Variants in RAD9A observed in about 807,000 individuals in gnomAD.
The protein encoded by RAD9A is RAD9 checkpoint clamp component A.
A neutral mutation model predicts 41.2 loss-of-function variants in RAD9A; 25 were observed. The observed-to-expected ratio is 0.61, with a 90% confidence interval of 0.44 to 0.85. RAD9A has a LOEUF of 0.85. Ranked by LOEUF, RAD9A falls within the 40% of genes least tolerant of loss-of-function variation. The pLI is 0.00. For missense variants in RAD9A, 514 were observed against 518.3 expected, an observed-to-expected ratio of 0.99 and a Z score of 0.08; for synonymous variants, 252 against 210.6, an observed-to-expected ratio of 1.20 and a Z score of -1.70.
chr11:67,393,279 CAAAA>C (rs34533285), intron 3 of RAD9A: 848 of 1,006,732 alleles, frequency 8.4e-4, no homozygotes, highest in South Asian at 2.8e-3. Flanking sequence ...GACTCCATCT[CAAAA>C]AAAAAAAAAA....
intron 6 of RAD9A, 32 bp from the exon 7 acceptor site, chr11:67,395,880 G>A (rs759204438): frequency 5.2e-5 from 84 of 1,612,882 alleles, no homozygotes; most frequent in Non-Finnish European, 7.0e-5. Flanking sequence ...GAGAGGGGCG[G>A]GGCCCAGGTT....
chr11:67,397,209 C>T lies in RAD9A; in HGVS notation c.903C>T (p.Asp301=), dbSNP rs543261832. The T allele has an allele frequency of 2.9e-5, 46 of 1,613,806 alleles. No individual in the cohort carries two copies. The highest frequency in any genetic ancestry group is 3.3e-4 in the Middle Eastern group (2 of 6,062). ...STPHPDDFAN[D]DIDSYMIAME... is the part of the protein sequence containing the mutation. The stretch of plus-strand genomic sequence containing the variant: ...CCCACCCGGACGACTTTGCCAATGA[C>T]GACATTGACTCTTACATGATCGCCA... The change falls in exon 10 of 11, where the codon GAC becomes GAT. Residue 301 remains aspartate (D), a synonymous_variant. Transcript: ENST00000307980.
chr11:67,396,079 C>G, intron 7 of RAD9A, 32 bp from the exon 8 acceptor site: 2 of 1,613,306 alleles, frequency 1.2e-6, no homozygotes, highest in Non-Finnish European at 1.7e-6. Flanking sequence ...CAGCCCAGCC[C>G]GGGGCCTCAC....
At chr11:67,394,947 CGTTTT>C (rs914644776) in intron 5 of RAD9A, among the ~76,000 whole-genome samples, 6 of 151,858 alleles carry the variant, frequency 4.0e-5, no homozygotes, top group African/African-American at 1.5e-4. Flanking sequence ...TTGTTTCTCT[CGTTTT>C]GTTTTGAGAT....
At position 67,397,630 on chromosome 11, in the gene RAD9A, C is replaced by G. The variant is rs17886162; in HGVS notation, c.*71C>G. Reference sequence around the variant, plus strand: ...GCCCCAGCCAGTGGCAGAACTGGGTCTCTCAGCCCTGGGGATCAGAAAGGT... The same window carrying G: ...GCCCCAGCCAGTGGCAGAACTGGGTGTCTCAGCCCTGGGGATCAGAAAGGT... On this transcript the variant is annotated 3_prime_UTR_variant, in exon 11 of 11. Coordinates refer to ENST00000307980, the MANE Select transcript of RAD9A (RefSeq NM_004584.3). 996 of 1,355,500 alleles carry G rather than the reference C, an allele frequency of 7.3e-4. 5 individuals are homozygous for G. The African/African-American group carries it at 0.013, about 18-fold the overall frequency. 84.0% of individuals were successfully genotyped at this position (1,355,500 alleles called of 1,614,324 possible). A position where few individuals can be genotyped will look rare whatever the true frequency, so the allele number is the denominator to read the frequency against.
In RAD9A at chr11:67,398,390, TA is replaced by T. The variant is rs1163294472; in HGVS notation, c.*838del. ...GGACTGGACGCTGCTATTGATTCATTAAAAAAAGAAAAGAAAAATACACCAA... is the reference window on the plus strand; with the variant it reads ...GGACTGGACGCTGCTATTGATTCATTAAAAAAGAAAAGAAAAATACACCAA... On this transcript the variant is annotated 3_prime_UTR_variant, in exon 11 of 11. Coordinates refer to ENST00000307980, the MANE Select transcript of RAD9A (RefSeq NM_004584.3). 4.8e-6 allele frequency: 4 copies of T among 827,146 alleles called. No individual in the cohort carries two copies. Among genetic ancestry groups the T allele is most frequent in the Non-Finnish European group, 5.6e-6 (3 of 538,826 alleles). The allele number at this position is 827,146 out of a possible 1,614,324, so 51.2% of individuals were successfully genotyped here. A position where few individuals can be genotyped will look rare whatever the true frequency, so the allele number is the denominator to read the frequency against.
intron 9 of RAD9A, 119 bp downstream of exon 9, chr11:67,396,519 A>G (rs145520917): frequency 7.7e-7 from 1 of 1,295,550 alleles, no homozygotes; most frequent in South Asian, 1.4e-5. Flanking sequence ...TTCTCTTTCT[A>G]TCAGGCCCCA....
rs772082781 is a variant in RAD9A at position 67,397,191 on chromosome 11, G to A, written c.885G>A (p.Pro295=). 36 of 1,612,974 alleles carry A rather than the reference G, an allele frequency of 2.2e-5. No homozygotes were observed. Among genetic ancestry groups the A allele is most frequent in the Non-Finnish European group, 2.9e-5 (34 of 1,179,294 alleles). Residue 295 remains proline, a synonymous_variant, in exon 10 of 11, where the codon CCG becomes CCA. Transcript: ENST00000307980. ...ATTCTGCCTACAGCACACCCCACCCGGACGACTTTGCCAATGACGACATTG... is the reference window on the plus strand; with the variant it reads ...ATTCTGCCTACAGCACACCCCACCCAGACGACTTTGCCAATGACGACATTG... ...PQLQAHSTPH[P]DDFANDDIDS...
rs927285879 is a variant in RAD9A at position 67,396,341 on chromosome 11, C to T, written c.813C>T (p.His271=). The change falls in exon 9 of 11, where the codon CAC becomes CAT. Residue 271 remains histidine (H), a synonymous_variant. Coordinates refer to ENST00000307980, the MANE Select transcript of RAD9A (RefSeq NM_004584.3). ...VLATLSDTDS[H]SQDLGSPERH... ...CCACACTCTCAGACACCGACTCGCACTCCCAGGACCTGGGCTCCCCAGAGC... is the reference window on the plus strand; with the variant it reads ...CCACACTCTCAGACACCGACTCGCATTCCCAGGACCTGGGCTCCCCAGAGC... 1 of 1,614,076 alleles carries T rather than the reference C, an allele frequency of 6.2e-7. No individual in the cohort carries two copies. The highest frequency in any genetic ancestry group is 1.7e-5 in the Admixed American group (1 of 60,016).
At position 67,396,354 on chromosome 11, in the gene RAD9A, G is replaced by A. The variant is rs756528120; in HGVS notation, c.826G>A (p.Gly276Ser). Residue 276 changes from glycine (G) to serine (S), a missense_variant, in exon 9 of 11, where the codon GGC becomes AGC. By Grantham distance (56) the Gly-to-Ser change is moderately conservative (BLOSUM62 0). This residue lies in a region of RAD9A where 216 missense variants were observed against 184.2 expected (regional missense o/e 1.17). Transcript: ENST00000307980. ...SDTDSHSQDL[G>S]SPERHQPVPQ... ...CACCGACTCGCACTCCCAGGACCTG[G>A]GCTCCCCAGAGCGTCACCAGCCAGT... 1 of 1,613,958 alleles carries A rather than the reference G, an allele frequency of 6.2e-7. No individual in the cohort carries two copies. The highest frequency in any genetic ancestry group is 1.1e-5 in the South Asian group (1 of 91,088).
At chr11:67,395,847 TG>T in intron 6 of RAD9A, 22 bp downstream of exon 6, 1 of 1,613,214 alleles carries the variant, frequency 6.2e-7, no homozygotes, top group Non-Finnish European at 8.5e-7. Context: ...GGACGTGGCC[TG>T]GGACAGCAGA....
intron 2 of RAD9A, 105 bp downstream of exon 2, chr11:67,392,336 C>G: frequency 9.2e-7 from 1 of 1,087,730 alleles, no homozygotes; most frequent in Non-Finnish European, 1.3e-6. Context: ...GCAGATTTGT[C>G]GGCAAAGTTT....
At chr11:67,392,915 G>T in intron 3 of RAD9A, 133 bp downstream of exon 3, 1 of 1,253,464 alleles carries the variant, frequency 8.0e-7, no homozygotes, top group Non-Finnish European at 1.1e-6. Flanking sequence ...GCAAAACACA[G>T]GGAGGGCCAT....
At position 67,397,875 on chromosome 11, in the gene RAD9A, T is replaced by C; in HGVS notation, c.*316T>C. The C allele has an allele frequency of 3.0e-6, 1 of 329,306 alleles. No individual in the cohort carries two copies. The highest frequency in any genetic ancestry group is 5.6e-6 in the Non-Finnish European group (1 of 178,878). 20.4% of individuals were successfully genotyped at this position (329,306 alleles called of 1,614,324 possible). A position where few individuals can be genotyped will look rare whatever the true frequency, so the allele number is the denominator to read the frequency against. On this transcript the variant is annotated 3_prime_UTR_variant, in exon 11 of 11. Coordinates refer to ENST00000307980, the MANE Select transcript of RAD9A (RefSeq NM_004584.3). ...AGCTGGCCAAGGCTGGAAACCTGTC[T>C]CCCTCAGGCTCACCTTCCTAAGGAA...
chr11:67,396,449 C>A, intron 9 of RAD9A, 49 bp downstream of exon 9: 3 of 1,593,088 alleles, frequency 1.9e-6, no homozygotes, highest in Non-Finnish European at 2.6e-6. Flanking sequence ...CTGTGCACTC[C>A]AGCCTGAGAC....
intron 2 of RAD9A, 115 bp downstream of exon 2, chr11:67,392,346 T>C: frequency 9.7e-7 from 1 of 1,029,260 alleles, no homozygotes; most frequent in South Asian, 1.7e-5. Context: ...CGGCAAAGTT[T>C]CAGTTTCTTA....
chr11:67,397,492 T>G lies in RAD9A; in HGVS notation c.1109T>G (p.Leu370Arg). ...KFRSLFFGSI[L>R]APVRSPQGPS... ...CGCTCACTGTTCTTCGGCTCCATCC[T>G]GGCCCCTGTACGCTCCCCCCAGGGC... The change falls in exon 11 of 11, where the codon CTG (leucine) becomes CGG (arginine). Residue 370 changes from leucine to arginine, a missense_variant. By Grantham distance (102) the Leu-to-Arg change is moderately radical. Around this residue, in one of 3 missense-constraint regions of RAD9A, gnomAD observed 216 missense variants for 184.2 expected, o/e 1.17. Transcript: ENST00000307980. The G allele has an allele frequency of 6.2e-7, 1 of 1,612,478 alleles. No homozygotes were observed.
In RAD9A at chr11:67,398,320, T is replaced by C. The variant is rs953869586; in HGVS notation, c.*761T>C. The C allele has an allele frequency of 1.7e-5, 10 of 583,572 alleles. No homozygotes were observed. The highest frequency in any genetic ancestry group is 1.7e-4 in the African/African-American group (9 of 53,458). 36.1% of individuals were successfully genotyped at this position (583,572 alleles called of 1,614,324 possible). ...CTGAGCTGCAGCCTCGGCCCCAGGA[T>C]CCTGCTCACAGTCACCGCAGGTGCA... On this transcript the variant is annotated 3_prime_UTR_variant, in exon 11 of 11. Coordinates refer to ENST00000307980, the MANE Select transcript of RAD9A (RefSeq NM_004584.3).
At position 67,397,685 on chromosome 11, in the gene RAD9A, C is replaced by T; in HGVS notation, c.*126C>T. ...TTGCTGGAGCTGAGCTGTTTCACTG[C>T]CTCTCGCAGGCCCCAGCTGGCTGTC... On this transcript the variant is annotated 3_prime_UTR_variant, in exon 11 of 11. Coordinates refer to ENST00000307980, the MANE Select transcript of RAD9A (RefSeq NM_004584.3). The T allele has an allele frequency of 2.3e-6, 2 of 877,418 alleles. No homozygotes were observed. The highest frequency in any genetic ancestry group is 2.7e-5 in the Admixed American group (1 of 36,672). 54.4% of individuals were successfully genotyped at this position (877,418 alleles called of 1,614,324 possible). A position where few individuals can be genotyped will look rare whatever the true frequency, so the allele number is the denominator to read the frequency against.
Sources: gnomAD v4.1 joint callset for allele counts (sites outside exome capture counted in the v4.1 genomes callset) on GRCh38, gnomAD v4.1.1 for gene constraint, gnomAD v4.1.1 regional missense constraint, MANE v1.5 for transcripts, NCBI Gene and HGNC (gene_info 2026-07-23, HGNC 2026-07-21) for gene names.